Variants in SNX29 observed in about 807,000 individuals in gnomAD.
SNX29 encodes sorting nexin-29.
A neutral mutation model predicts 102.1 loss-of-function variants in SNX29; 78 were observed. The ratio of observed to expected loss-of-function variants is 0.76; its 90% CI spans 0.64 to 0.92. The LOEUF is 0.92. Among genes scored for constraint, SNX29 ranks in the 40% least tolerant of loss-of-function variants. SNX29 has a pLI of 0.00. For missense variants in SNX29, 1,280 were observed against 1,061.7 expected (o/e 1.21, Z -2.86); for synonymous variants, 580 against 414.5 (o/e 1.40, Z -4.85).
intron 20 of SNX29, among the ~76,000 whole-genome samples, chr16:12,555,098 A>G (rs766824195): frequency 6.8e-5 from 10 of 147,592 alleles, no homozygotes. Flanking sequence ...GAAAGGGCCA[A>G]TCAGGGACAA....
Position 12,118,313 on chromosome 16 carries a change from C to CTTTCTTTTTTTT in SNX29, c.1403-8317_1403-8316insCTTTTTTTTTTT, listed in dbSNP as rs1286174976. Among the ~76,000 whole-genome samples, 395 of 86,112 alleles carry CTTTCTTTTTTTT rather than the reference C, an allele frequency of 4.6e-3. 3 individuals are homozygous for CTTTCTTTTTTTT. The highest frequency in any genetic ancestry group is 6.5e-3 in the Non-Finnish European group (322 of 49,254). The allele number at this position is 86,112 out of a possible 152,430, so 56.5% of individuals were successfully genotyped here. ...TGTAGATAGTAGATATACAGACCACCTTTTTTTTTTTTTTTTTTTTTTTAT... is the reference window on the plus strand; with the variant it reads ...TGTAGATAGTAGATATACAGACCACCTTTCTTTTTTTTTTTTTTTTTTTTTTTTTTTTTTTAT... On this transcript the variant is annotated intron_variant, in intron 11 of 20. Transcript: ENST00000566228.
chr16:12,116,636 C>T (rs1445073540), intron 11 of SNX29, among the ~76,000 whole-genome samples: 1 of 152,186 alleles, frequency 6.6e-6, no homozygotes, highest in Non-Finnish European at 1.5e-5. Flanking sequence ...ATCACGCCAC[C>T]ATACTCCAGC....
chr16:12,443,034 G>A (rs575332130), intron 18 of SNX29: 30 of 455,722 alleles, frequency 6.6e-5, no homozygotes, highest in South Asian at 1.6e-4. Flanking sequence ...TCTGTGGGCC[G>A]TATGAAAACA....
chr16:11,983,581 A>G, intron 1 of SNX29: 3 of 911,776 alleles, frequency 3.3e-6, no homozygotes, highest in African/African-American at 1.8e-5. Flanking sequence ...GGATTGATCT[A>G]TGATGGTGGA....
At chr16:12,438,712 T>C (rs919904625) in intron 18 of SNX29, among the ~76,000 whole-genome samples, 61 of 152,228 alleles carry the variant, frequency 4.0e-4, no homozygotes, top group African/African-American at 1.5e-3. Context: ...GAATGAACAG[T>C]CAGAAAGCCC....
chr16:12,331,900 C>A (rs2081301731), intron 15 of SNX29, among the ~76,000 whole-genome samples: 1 of 151,990 alleles, frequency 6.6e-6, no homozygotes, highest in Non-Finnish European at 1.5e-5. Context: ...CAGTGAATGC[C>A]CCAGGAACCT....
At chr16:12,023,491 T>C (rs2057091673) in intron 3 of SNX29, among the ~76,000 whole-genome samples, 1 of 147,750 alleles carries the variant, frequency 6.8e-6, no homozygotes, top group African/African-American at 2.5e-5. Context: ...GGTGGGAGGA[T>C]CGTTTGAGCC....
chr16:11,989,882 C>A lies in SNX29; in HGVS notation c.8-9415C>A, dbSNP rs752392250. Among the ~76,000 whole-genome samples the A allele has an allele frequency of 3.6e-4, 55 of 152,220 alleles. 1 individual carries two copies. Among genetic ancestry groups the A allele is most frequent in the Non-Finnish European group, 5.7e-4 (39 of 68,040 alleles). ...TCTGAGAAGGGAACGTTTGAGTCAG[C>A]CATCGGGAGGCTGTTTTTTCTTTGG... On this transcript the variant is annotated intron_variant, in intron 1 of 20. Transcript: ENST00000566228.
chr16:12,214,432 T>C (rs1004184998), intron 14 of SNX29, among the ~76,000 whole-genome samples: 1 of 152,238 alleles, frequency 6.6e-6, no homozygotes, highest in African/African-American at 2.4e-5. Context: ...GGTGGCTTGT[T>C]TTGTAAAAAG....
At position 12,052,213 on chromosome 16, in the gene SNX29, C is replaced by A; in HGVS notation, c.1115C>A (p.Ser372Ter). ...AGGAAGCACAGGGGCCACTCGGAGTCGCCCGAGAAGTAAGTTTGTGTGTAA... is the reference window on the plus strand; with the variant it reads ...AGGAAGCACAGGGGCCACTCGGAGTAGCCCGAGAAGTAAGTTTGTGTGTAA... Reference protein sequence around the residue: ...SGRKHRGHSESPEKPLEGNTC... With the variant: ...SGRKHRGHSE The change falls in exon 8 of 21, where the codon TCG becomes TAG. Residue 372 changes from serine to a stop codon, truncating the protein, a stop_gained. Coordinates refer to ENST00000566228, the MANE Select transcript of SNX29 (RefSeq NM_032167.5). LOFTEE classifies it high-confidence loss of function. 1.2e-6 allele frequency: 2 copies of A among 1,613,768 alleles called. No individual in the cohort carries two copies. Among genetic ancestry groups the A allele is most frequent in the Non-Finnish European group, 1.7e-6 (2 of 1,179,828 alleles).
intron 11 of SNX29, among the ~76,000 whole-genome samples, chr16:12,109,140 A>AG (rs2053396310): frequency 1.3e-5 from 2 of 149,550 alleles, no homozygotes; most frequent in African/African-American, 2.5e-5. Context: ...AAAAAAAAAA[A>AG]AAAAAAAAAA....
In SNX29 at chr16:12,049,410, G is replaced by A. The variant is rs890323153; in HGVS notation, c.748+790G>A. Among the ~76,000 whole-genome samples the A allele has an allele frequency of 6.0e-5, 9 of 151,196 alleles. No individual in the cohort carries two copies. The East Asian group carries it at 1.8e-3, about 29-fold the overall frequency. On this transcript the variant is annotated intron_variant, in intron 7 of 20. Coordinates refer to ENST00000566228, the MANE Select transcript of SNX29 (RefSeq NM_032167.5). ...TGCAGTGGCATGATCTCAGCTCACT[G>A]CAACCTCCACTTCCCGGGTTCAAGC...
intron 16 of SNX29, among the ~76,000 whole-genome samples, chr16:12,371,622 C>T (rs148987940): frequency 1.3e-3 from 203 of 152,220 alleles, no homozygotes; most frequent in East Asian, 7.4e-3. Context: ...TATTTCTGTT[C>T]GGGGAGAGTG....
chr16:12,167,053 C>CT (rs994215166), intron 13 of SNX29, among the ~76,000 whole-genome samples: 23 of 152,150 alleles, frequency 1.5e-4, no homozygotes, highest in African/African-American at 5.1e-4. Context: ...CAATGCATGT[C>CT]TTTTTTGCTT....
chr16:12,346,600 C>G (rs561962271), intron 15 of SNX29, among the ~76,000 whole-genome samples: 3 of 152,164 alleles, frequency 2.0e-5, no homozygotes, highest in African/African-American at 2.4e-5. Flanking sequence ...AATTGGGGAA[C>G]CCGCTTAAAG....
intron 15 of SNX29, among the ~76,000 whole-genome samples, chr16:12,293,708 G>T (rs1243923823): frequency 6.6e-6 from 1 of 151,966 alleles, no homozygotes; most frequent in African/African-American, 2.4e-5. Flanking sequence ...ATCCACTTTG[G>T]GGGAATATTT....
intron 16 of SNX29, among the ~76,000 whole-genome samples, chr16:12,386,784 A>C (rs543246770): frequency 6.6e-6 from 1 of 152,272 alleles, no homozygotes; most frequent in South Asian, 2.1e-4. Context: ...AAAATTAAAC[A>C]AAAAAAGGCC....
At chr16:11,984,029 T>A (rs1478378039) in intron 1 of SNX29, among the ~76,000 whole-genome samples, 2 of 152,000 alleles carry the variant, frequency 1.3e-5, no homozygotes, top group African/African-American at 2.4e-5. Context: ...AGCAAAAAAG[T>A]GTCTAAAAAG....
At chr16:12,543,570 C>T (rs1451487190) in intron 20 of SNX29, among the ~76,000 whole-genome samples, 2 of 152,352 alleles carry the variant, frequency 1.3e-5, no homozygotes, top group East Asian at 1.9e-4. Context: ...CACGAGATCA[C>T]GCTTCCGTGG....
Sources: gnomAD v4.1 joint callset for allele counts (sites outside exome capture counted in the v4.1 genomes callset) on GRCh38, gnomAD v4.1.1 for gene constraint, MANE v1.5 for transcripts, NCBI Gene and HGNC (gene_info 2026-07-23, HGNC 2026-07-21) for gene names.